The following MALT1 variants were observed in gnomAD, a reference collection of about 807,000 sequenced individuals.
MALT1 encodes MALT1 paracaspase.
MALT1 carries 36 observed loss-of-function variants against 85.5 expected under a neutral mutation model. The ratio of observed to expected loss-of-function variants is 0.42; its 90% confidence interval spans 0.32 to 0.56. The LOEUF (loss-of-function observed/expected upper bound fraction) is 0.56. Ranked by LOEUF, MALT1 falls within the 20% of genes least tolerant of loss-of-function variation. MALT1 has a pLI of 0.10. For missense variants in MALT1, 716 were observed against 981.6 expected (o/e 0.73, Z 3.62); for synonymous variants, 359 against 361.3 (o/e 0.99, Z 0.07).
chr18:58,721,048 A>G (rs576271887), intron 9 of MALT1, among the ~76,000 whole-genome samples: 66 of 152,352 alleles, frequency 4.3e-4, no homozygotes, highest in African/African-American at 1.6e-3. Context: ...TTGCTGTAGC[A>G]GGTACTTTAG....
chr18:58,732,571 C>T (rs2055165619), intron 10 of MALT1, among the ~76,000 whole-genome samples: 1 of 152,058 alleles, frequency 6.6e-6, no homozygotes, highest in Non-Finnish European at 1.5e-5. Context: ...ATGGTAATAC[C>T]TGCAGTTTCT....
Position 58,745,661 on chromosome 18 carries a change from T to A in MALT1, c.1912-5T>A, listed in dbSNP as rs1568158048. 2 of 1,606,718 alleles carry A rather than the reference T, an allele frequency of 1.2e-6. No homozygotes were observed. Among genetic ancestry groups the A allele is most frequent in the Non-Finnish European group, 8.5e-7 (1 of 1,176,780 alleles). Reference sequence around the variant, plus strand: ...ATTAACAGTCCCTAATTTTTTTTTTTACAGGATCTAGATATTGATCCAAAA... The same window carrying A: ...ATTAACAGTCCCTAATTTTTTTTTTAACAGGATCTAGATATTGATCCAAAA... On this transcript the variant is annotated splice_region_variant and splice_polypyrimidine_tract_variant and intron_variant, in intron 15 of 16. Transcript: ENST00000649217.
rs1214247908 is a variant in MALT1, at chr18:58,744,503, T to G, written c.1911+8T>G. ...GTTACTGATTTTCCACTTGTGAGTC[T>G]CTTCTTTTATTTAAAATACAGTGAT... On this transcript the variant is annotated splice_region_variant and intron_variant, in intron 15 of 16. Transcript: ENST00000649217. 1 of 1,584,094 alleles carries G rather than the reference T, an allele frequency of 6.3e-7. No individual in the cohort carries two copies. The highest frequency in any genetic ancestry group is 1.8e-5 in the Admixed American group (1 of 56,004).
chr18:58,715,445 C>G (rs1452728050), intron 8 of MALT1, among the ~76,000 whole-genome samples: 1 of 152,146 alleles, frequency 6.6e-6, no homozygotes, highest in Non-Finnish European at 1.5e-5. Flanking sequence ...GGACACACAA[C>G]TGATGAACTA....
At chr18:58,746,730 T>G (rs540117074) in intron 16 of MALT1, among the ~76,000 whole-genome samples, 2 of 102,324 alleles carry the variant, frequency 2.0e-5, no homozygotes, top group Admixed American at 9.4e-5. Context: ...TAAAACCAGG[T>G]TTTTTTTTTT....
intron 7 of MALT1, among the ~76,000 whole-genome samples, chr18:58,712,186 C>T (rs1047698351): frequency 8.5e-5 from 13 of 152,100 alleles, no homozygotes; most frequent in Non-Finnish European, 1.6e-4. Context: ...AATCCAGTTA[C>T]GAAGTTTCTC....
chr18:58,686,683 T>C (rs2054409172), intron 2 of MALT1, among the ~76,000 whole-genome samples: 1 of 152,246 alleles, frequency 6.6e-6, no homozygotes, highest in African/African-American at 2.4e-5. Flanking sequence ...CTTTTTTATT[T>C]CATACCTTTT....
At chr18:58,679,656 C>T (rs938936011) in intron 1 of MALT1, among the ~76,000 whole-genome samples, 7 of 152,116 alleles carry the variant, frequency 4.6e-5, no homozygotes, top group African/African-American at 9.7e-5. Flanking sequence ...TGGGTTCAAG[C>T]GATTCTTGTG....
intron 10 of MALT1, among the ~76,000 whole-genome samples, chr18:58,725,347 C>T (rs143123998): frequency 6.6e-6 from 1 of 152,040 alleles, no homozygotes; most frequent in Non-Finnish European, 1.5e-5. Context: ...AAAAGAAAAA[C>T]ATAAATGAGT....
In MALT1 at chr18:58,753,421, G is replaced by C. The variant is rs1487878334; in HGVS notation, c.*5579G>C. The C allele has an allele frequency of 6.6e-6, 1 of 152,134 alleles. No individual in the cohort carries two copies. Among genetic ancestry groups the C allele is most frequent in the Non-Finnish European group, 1.5e-5 (1 of 68,056 alleles). 9.4% of individuals were successfully genotyped at this position (152,134 alleles called of 1,614,324 possible). On this transcript the variant is annotated 3_prime_UTR_variant, in exon 17 of 17. Transcript: ENST00000649217. ...AGGGTTTCACCATGTTGGCCAGGCT[G>C]GTCTCAAACTCCTGACCTCAAGTGA...
At position 58,751,194 on chromosome 18, in the gene MALT1, C is replaced by G. The variant is rs1196640419; in HGVS notation, c.*3352C>G. The G allele has an allele frequency of 2.6e-5, 4 of 152,242 alleles. No homozygotes were observed. Among genetic ancestry groups the G allele is most frequent in the Admixed American group, 2.6e-4 (4 of 15,274 alleles). The allele number at this position is 152,242 out of a possible 1,614,324, so 9.4% of individuals were successfully genotyped here. A position where few individuals can be genotyped will look rare whatever the true frequency, so the allele number is the denominator to read the frequency against. The stretch of plus-strand genomic sequence containing the variant: ...GGGTGTGGTGGCTCACGCCTATAAT[C>G]TCAGCACTTTGGGAGGCCAATGAAG... On this transcript the variant is annotated 3_prime_UTR_variant, in exon 17 of 17. Transcript: ENST00000649217.
In MALT1 at chr18:58,744,470, A is replaced by T. The variant is rs1475788798; in HGVS notation, c.1886A>T (p.Asp629Val). 6.2e-7 allele frequency: 1 copy of T among 1,605,420 alleles called. No individual in the cohort carries two copies. Among genetic ancestry groups the T allele is most frequent in the Admixed American group, 1.7e-5 (1 of 58,984 alleles). The change falls in exon 15 of 17, where the codon GAT becomes GTT. Residue 629 changes from aspartate to valine, a missense_variant. Around this residue, in one of 4 missense-constraint regions of MALT1, gnomAD observed 260 missense variants for 323.7 expected, o/e 0.80. Coordinates refer to ENST00000649217, the MANE Select transcript of MALT1 (RefSeq NM_006785.4). The stretch of plus-strand genomic sequence containing the variant: ...AAACCACCGGAGATAATAATGTGTG[A>T]TGCCTACGTTACTGATTTTCCACTT... The part of the protein sequence containing the change: ...VYKPPEIIMC[D>V]AYVTDFPLDL...
At position 58,744,048 on chromosome 18, in the gene MALT1, T is replaced by A. The variant is rs566255336; in HGVS notation, c.1754-290T>A. Among the ~76,000 whole-genome samples, 8,116 of 152,220 alleles carry A rather than the reference T, an allele frequency of 0.053. 346 individuals carry two copies. The highest frequency in any genetic ancestry group is 0.22 in the East Asian group (1,127 of 5,176). On this transcript the variant is annotated intron_variant, in intron 14 of 16. Transcript: ENST00000649217. ...TGACATTGTGCTTTATTAAAAATTC[T>A]GGTCATATAAATTGAGGCAACAGTG...
chr18:58,723,853 A>G (rs1251431114), intron 10 of MALT1, among the ~76,000 whole-genome samples: 3 of 152,234 alleles, frequency 2.0e-5, no homozygotes, highest in Admixed American at 6.5e-5. Context: ...TCACCTAAAT[A>G]TATTAACACT....
In MALT1 at chr18:58,678,459, G is replaced by A. The variant is rs186166000; in HGVS notation, c.210-2711G>A. 1.5e-3 allele frequency among the ~76,000 whole-genome samples: 223 copies of A among 152,040 alleles called. 3 individuals carry two copies. In the East Asian group the frequency reaches 0.033, roughly 22 times the overall value. ...GTATTGAGGGATTTTATGTCTGCGT[G>A]TGTGTGTGTATACACACACATATAT... On this transcript the variant is annotated intron_variant, in intron 1 of 16. Coordinates refer to ENST00000649217, the MANE Select transcript of MALT1 (RefSeq NM_006785.4).
At chr18:58,724,946 A>G (rs966682521) in intron 10 of MALT1, among the ~76,000 whole-genome samples, 1 of 151,860 alleles carries the variant, frequency 6.6e-6, no homozygotes, top group African/African-American at 2.4e-5. Context: ...GGAGTTCGAG[A>G]CCCTCCTGTC....
At chr18:58,734,049 C>T in intron 11 of MALT1, 4 of 1,285,468 alleles carry the variant, frequency 3.1e-6, no homozygotes, top group African/African-American at 1.5e-5. Context: ...TCTAGATTTA[C>T]TATTTTTTTG....
intron 13 of MALT1, among the ~76,000 whole-genome samples, chr18:58,739,201 A>T (rs571597755): frequency 6.6e-6 from 1 of 152,342 alleles, no homozygotes; most frequent in East Asian, 1.9e-4. Flanking sequence ...TTTTTAATAC[A>T]CTACTAGATT....
In MALT1 at chr18:58,712,222, A is replaced by AT. The variant is rs568939560; in HGVS notation, c.958+1270dup. 2.5e-3 allele frequency among the ~76,000 whole-genome samples: 384 copies of AT among 152,274 alleles called. 2 individuals are homozygous for AT. The highest frequency in any genetic ancestry group is 8.7e-3 in the African/African-American group (363 of 41,558). On this transcript the variant is annotated intron_variant, in intron 7 of 16. Transcript: ENST00000649217. ...CAGAAGTCTCAGATGAAAAAATTAG[A>AT]TCCAAATTTTTTTCAATGAAAGTCC...
Sources: gnomAD v4.1 joint callset for allele counts (sites outside exome capture counted in the v4.1 genomes callset) on GRCh38, gnomAD v4.1.1 for gene constraint, gnomAD v4.1.1 regional missense constraint, MANE v1.5 for transcripts, NCBI Gene and HGNC (gene_info 2026-07-23, HGNC 2026-07-21) for gene names.